Variants in ANKRD30BL observed in about 807,000 individuals in gnomAD.
ANKRD30BL encodes the protein ankyrin repeat domain 30B like.
Under a neutral mutation model 18.4 loss-of-function variants are expected in ANKRD30BL, and 20 were observed. The ratio of observed to expected loss-of-function variants is 1.09; its 90% CI spans 0.77 to 1.58. The LOEUF (loss-of-function observed/expected upper bound fraction) is 1.58. Ranked by LOEUF, ANKRD30BL falls within the 40% of genes most tolerant of loss-of-function variation. ANKRD30BL has a pLI of 0.00. For synonymous variants in ANKRD30BL, 72 were observed against 100.9 expected (o/e 0.71, Z 1.72); for missense variants, 224 against 268.6 (o/e 0.83, Z 1.16).
rs914233263 is a variant in ANKRD30BL at position 132,201,104 on chromosome 2, G to A, written n.442-43958C>T. ...ACTGGCTAGCCATATGTAGAAAGCT[G>A]AAACTGGATCCCTTCCTTACACCTT... On this transcript the variant is annotated intron_variant and non_coding_transcript_variant, in intron 1 of 4. Transcript: ENST00000470729. 2.0e-3 allele frequency among the ~76,000 whole-genome samples: 299 copies of A among 152,188 alleles called. 2 individuals are homozygous for A. The highest frequency in any genetic ancestry group is 6.8e-3 in the African/African-American group (281 of 41,480).
chr2:132,175,458 T>A (rs1688350699), intron 1 of ANKRD30BL, among the ~76,000 whole-genome samples: 1 of 152,214 alleles, frequency 6.6e-6, no homozygotes, highest in Admixed American at 6.5e-5. Context: ...TTCTCCTATC[T>A]CAGAATTGAA....
chr2:132,163,008 C>T (rs1688114715), upstream of ANKRD30BL, among the ~76,000 whole-genome samples: 1 of 152,224 alleles, frequency 6.6e-6, no homozygotes, highest in South Asian at 2.1e-4. Flanking sequence ...GGATCCCTTC[C>T]TCGTTGACCA....
intron 1 of ANKRD30BL, among the ~76,000 whole-genome samples, chr2:132,219,338 T>C (rs1208432435): frequency 7.0e-6 from 1 of 142,000 alleles, no homozygotes; most frequent in Admixed American, 6.9e-5. Context: ...AGACAGAAGC[T>C]TTCTCAGAAA....
chr2:132,238,460 A>G lies in ANKRD30BL; in HGVS notation n.441+19069T>C, dbSNP rs533111091. 1.4e-4 allele frequency among the ~76,000 whole-genome samples: 22 copies of G among 152,202 alleles called. No homozygotes were observed. The Admixed American group carries it at 1.4e-3, about 10-fold the overall frequency. On this transcript the variant is annotated intron_variant and non_coding_transcript_variant, in intron 1 of 4. Coordinates refer to the ANKRD30BL transcript ENST00000470729. ...ACGGGTATATATTCACATAAAAACA[A>G]GACAGAAGCATTCTCAGAAACTTCT...
chr2:132,178,955 C>T (rs1688410671), intron 1 of ANKRD30BL, among the ~76,000 whole-genome samples: 1 of 151,236 alleles, frequency 6.6e-6, no homozygotes, highest in African/African-American at 2.4e-5. Flanking sequence ...ATGCATTTTG[C>T]AGAGGTAGGA....
Position 132,221,982 on chromosome 2 carries a change from C to T in ANKRD30BL, n.441+35547G>A, listed in dbSNP as rs1462558298. Among the ~76,000 whole-genome samples, 8 of 137,244 alleles carry T rather than the reference C, an allele frequency of 5.8e-5. No homozygotes were observed. The South Asian group carries it at 9.2e-4, about 16-fold the overall frequency. The allele number at this position is 137,244 out of a possible 152,430, so 90.0% of individuals were successfully genotyped here. On this transcript the variant is annotated intron_variant and non_coding_transcript_variant, in intron 1 of 4. Coordinates refer to the ANKRD30BL transcript ENST00000470729. ...GAGGTGAGGGGCGCCTCTGCCTGGC[C>T]GCCCCTACTGGGAAGTGAGGAGCCC... is the stretch of plus-strand genomic sequence containing the variant.
intron 1 of ANKRD30BL, among the ~76,000 whole-genome samples, chr2:132,233,525 G>T (rs1432963847): frequency 2.8e-5 from 4 of 145,424 alleles, no homozygotes; most frequent in East Asian, 2.0e-4. Flanking sequence ...AAAAAGGCAG[G>T]GGTTGCAATC....
At chr2:132,164,302 G>C (rs1688148386), upstream of ANKRD30BL, among the ~76,000 whole-genome samples, 1 of 104,944 alleles carries the variant, frequency 9.5e-6, no homozygotes, top group African/African-American at 4.0e-5. Flanking sequence ...TTAAGATGGA[G>C]TTCTGCTCTT....
At chr2:132,244,816 A>G (rs1680447146) in intron 1 of ANKRD30BL, among the ~76,000 whole-genome samples, 9 of 152,308 alleles carry the variant, frequency 5.9e-5, no homozygotes, top group Admixed American at 4.6e-4. Flanking sequence ...GTTTGCATTC[A>G]TCTCACAGAG....
intron 1 of ANKRD30BL, among the ~76,000 whole-genome samples, chr2:132,196,090 T>A (rs954040696): frequency 6.9e-6 from 1 of 145,574 alleles, no homozygotes; most frequent in African/African-American, 2.6e-5. Context: ...GGCAGTGAGC[T>A]GAGATCGCGC....
chr2:132,156,045 C>A lies in ANKRD30BL; in HGVS notation c.507+928G>T, dbSNP rs182919056. The stretch of plus-strand genomic sequence containing the variant: ...ATTCTGGTTTCTATTGTAATTGATA[C>A]TATTTTTTGGCAAAATATCAGAAGT... On this transcript the variant is annotated intron_variant, in intron 3 of 5. Coordinates refer to ENST00000409867, the MANE Select transcript of ANKRD30BL (RefSeq NM_001358416.1). The A allele has an allele frequency of 6.6e-3, 1,005 of 152,126 alleles. 11 individuals are homozygous for A. Among genetic ancestry groups the A allele is most frequent in the African/African-American group, 0.022 (915 of 41,502 alleles). The allele number at this position is 152,126 out of a possible 1,614,324, so 9.4% of individuals were successfully genotyped here.
At chr2:132,234,613 T>C (rs1344527851) in intron 1 of ANKRD30BL, among the ~76,000 whole-genome samples, 2 of 152,112 alleles carry the variant, frequency 1.3e-5, no homozygotes, top group East Asian at 3.8e-4. Context: ...CCTTGACACA[T>C]ACACTCTCCC....
intron 1 of ANKRD30BL, among the ~76,000 whole-genome samples, chr2:132,210,872 G>A (rs201275780): frequency 0.032 from 1,283 of 40,400 alleles, 1 homozygote; most frequent in African/African-American, 0.054. Context: ...ATGGTGGAAA[G>A]GGAAATATCT....
At chr2:132,242,887 A>C (rs1230516197) in intron 1 of ANKRD30BL, among the ~76,000 whole-genome samples, 2 of 151,646 alleles carry the variant, frequency 1.3e-5, no homozygotes, top group East Asian at 1.9e-4. Flanking sequence ...ATATCTTCAC[A>C]AAAAAAGTAG....
At chr2:132,163,506 C>T (rs181380261), upstream of ANKRD30BL, among the ~76,000 whole-genome samples, 4 of 152,140 alleles carry the variant, frequency 2.6e-5, no homozygotes, top group Admixed American at 6.5e-5. Flanking sequence ...TTGTTTGTGC[C>T]GCTGCACTCC....
intron 1 of ANKRD30BL, among the ~76,000 whole-genome samples, chr2:132,256,412 G>C (rs758711876): frequency 1.3e-5 from 2 of 152,188 alleles, no homozygotes; most frequent in East Asian, 1.9e-4. Flanking sequence ...GCCCATGTGC[G>C]AGGAGGCCGA....
chr2:132,147,679 G>C lies in ANKRD30BL; in HGVS notation c.*452C>G, dbSNP rs1201060776. 2 of 155,130 alleles carry C rather than the reference G, an allele frequency of 1.3e-5. No individual in the cohort carries two copies. Among genetic ancestry groups the C allele is most frequent in the African/African-American group, 4.8e-5 (2 of 41,486 alleles). 9.6% of individuals were successfully genotyped at this position (155,130 alleles called of 1,614,324 possible). A position where few individuals can be genotyped will look rare whatever the true frequency, so the allele number is the denominator to read the frequency against. On this transcript the variant is annotated 3_prime_UTR_variant, in exon 6 of 6. Transcript: ENST00000409867. ...ATCACACCGGACAAGGGAGGGGAAA[G>C]TGTTCTTATTTCTAACGCAGCTAGT...
intron 1 of ANKRD30BL, among the ~76,000 whole-genome samples, chr2:132,234,650 C>T (rs879673320): frequency 1.7e-4 from 26 of 152,136 alleles, no homozygotes; most frequent in Non-Finnish European, 2.2e-4. Flanking sequence ...GGAGTTGAAT[C>T]TCGGAATAGA....
At chr2:132,169,133 T>C (rs1216975003) in intron 1 of ANKRD30BL, among the ~76,000 whole-genome samples, 2 of 152,152 alleles carry the variant, frequency 1.3e-5, no homozygotes, top group Non-Finnish European at 2.9e-5. Flanking sequence ...AGTAAATATT[T>C]TCTGATTTTT....
Sources: allele counts gnomAD v4.1 joint callset (sites outside exome capture counted in the v4.1 genomes callset), GRCh38; gene constraint gnomAD v4.1.1; transcripts MANE v1.5; gene names NCBI Gene and HGNC (gene_info 2026-07-23, HGNC 2026-07-21).